Variants in MITF observed in about 807,000 individuals in gnomAD.
MITF encodes the protein microphthalmia-associated transcription factor.
A neutral mutation model predicts 60.5 loss-of-function variants in MITF; 17 were observed. The ratio of observed to expected loss-of-function variants is 0.28; its 90% CI spans 0.19 to 0.42. The LOEUF (loss-of-function observed/expected upper bound fraction) is 0.42, where lower values mean the gene tolerates loss of function less well. MITF is among the 10% of genes least tolerant of loss of function. MITF has a pLI of 1.00. For missense variants in MITF, 622 were observed against 683.5 expected (o/e 0.91, Z 1.00); for synonymous variants, 260 against 248.5 (o/e 1.05, Z -0.43).
At chr3:69,872,933 A>G (rs1177182790) in intron 1 of MITF, among the ~76,000 whole-genome samples, 5 of 152,186 alleles carry the variant, frequency 3.3e-5, no homozygotes, top group Non-Finnish European at 7.3e-5. Context: ...GATATCCTGC[A>G]TGTCTAGCAG....
chr3:69,957,119 C>T (rs763212922), intron 8 of MITF, among the ~76,000 whole-genome samples: 1 of 152,168 alleles, frequency 6.6e-6, no homozygotes, highest in Non-Finnish European at 1.5e-5. Flanking sequence ...TCTTTACCCA[C>T]CCTGTCCCCT....
intron 1 of MITF, among the ~76,000 whole-genome samples, chr3:69,816,435 G>A (rs780281211): frequency 7.2e-5 from 11 of 152,114 alleles, no homozygotes; most frequent in Admixed American, 2.0e-4. Context: ...AACCACAGTC[G>A]TGAACTGTTG....
intron 1 of MITF, among the ~76,000 whole-genome samples, chr3:69,844,954 C>T (rs2063704698): frequency 6.6e-6 from 1 of 152,064 alleles, no homozygotes; most frequent in Admixed American, 6.5e-5. Context: ...ATAGAACAGG[C>T]ACTCTTCAGT....
At position 69,827,586 on chromosome 3, in the gene MITF, G is replaced by GAAAT. The variant is rs561325598; in HGVS notation, c.105-51546_105-51543dup. Among the ~76,000 whole-genome samples, 24 of 152,266 alleles carry GAAAT rather than the reference G, an allele frequency of 1.6e-4. No individual in the cohort carries two copies. In the South Asian group the frequency reaches 5.0e-3, roughly 32 times the overall value. On this transcript the variant is annotated intron_variant, in intron 1 of 9. Coordinates refer to ENST00000352241, the MANE Select transcript of MITF (RefSeq NM_001354604.2). ...GTCAAGCCTGATATCAATGGGGAGG[G>GAAAT]AAATATAAACCTCCCAGAGAGAGCA...
chr3:69,964,047 G>A (rs2066621797), intron 9 of MITF, among the ~76,000 whole-genome samples: 1 of 139,370 alleles, frequency 7.2e-6, no homozygotes, highest in African/African-American at 2.7e-5. Context: ...CGCAATCTCG[G>A]CTCACTGCAA....
In MITF at chr3:69,739,611, C is replaced by G. The variant is rs1413689457; in HGVS notation, c.14C>G (p.Ser5Trp). 6.3e-7 allele frequency: 1 copy of G among 1,577,222 alleles called. No individual in the cohort carries two copies. Among genetic ancestry groups the G allele is most frequent in the South Asian group, 1.2e-5 (1 of 86,130 alleles). The change falls in exon 1 of 10, where the codon TCG becomes TGG. Residue 5 changes from serine to tryptophan, a missense_variant. Transcript: ENST00000352241. Reference protein sequence around the residue: MQSESGIVPDFEVGE... With the variant: MQSEWGIVPDFEVGE... Reference sequence around the variant, plus strand: ...GAAGCGGGAGCCATGCAGTCCGAATCGGGGATCGTGCCGGATTTCGAAGTC... The same window carrying G: ...GAAGCGGGAGCCATGCAGTCCGAATGGGGGATCGTGCCGGATTTCGAAGTC...
intron 2 of MITF, among the ~76,000 whole-genome samples, chr3:69,914,789 C>T (rs1168413190): frequency 6.6e-6 from 1 of 152,178 alleles, no homozygotes; most frequent in African/African-American, 2.4e-5. Context: ...CTGACTTCTT[C>T]CTTTGCAACC....
chr3:69,916,123 T>C (rs2065328523), intron 2 of MITF, among the ~76,000 whole-genome samples: 1 of 152,252 alleles, frequency 6.6e-6, no homozygotes, highest in African/African-American at 2.4e-5. Flanking sequence ...CCCAGTCTTT[T>C]TCCTATTCAT....
chr3:69,837,663 T>G (rs1351029385), intron 1 of MITF, among the ~76,000 whole-genome samples: 1 of 152,200 alleles, frequency 6.6e-6, no homozygotes, highest in Non-Finnish European at 1.5e-5. Flanking sequence ...TCTCTGAATG[T>G]CGAAGGATTT....
At chr3:69,936,246 T>C (rs920789474) in intron 2 of MITF, among the ~76,000 whole-genome samples, 4 of 152,194 alleles carry the variant, frequency 2.6e-5, no homozygotes, top group Admixed American at 2.6e-4. Flanking sequence ...AAGTCTCATG[T>C]AATAGTAGCT....
At chr3:69,917,167 G>T (rs2065354052) in intron 2 of MITF, among the ~76,000 whole-genome samples, 1 of 152,118 alleles carries the variant, frequency 6.6e-6, no homozygotes, top group African/African-American at 2.4e-5. Context: ...TCTGGAAATG[G>T]ATGTGTGTGG....
At chr3:69,939,830 A>G (rs2065929425) in intron 4 of MITF, among the ~76,000 whole-genome samples, 1 of 152,180 alleles carries the variant, frequency 6.6e-6, no homozygotes, top group Admixed American at 6.6e-5. Context: ...CATCAAGCCC[A>G]CTAATTTTAT....
intron 1 of MITF, among the ~76,000 whole-genome samples, chr3:69,766,008 A>G (rs751565121): frequency 6.6e-6 from 1 of 152,182 alleles, no homozygotes; most frequent in Non-Finnish European, 1.5e-5. Flanking sequence ...AATTTGTTGA[A>G]TTGTTTGGGC....
chr3:69,949,002 A>T, intron 5 of MITF, 49 bp from the exon 6 acceptor site: 1 of 1,331,780 alleles, frequency 7.5e-7, no homozygotes, highest in South Asian at 1.2e-5. Context: ...CTGAAAAAAC[A>T]TGGGAATTGT....
intron 2 of MITF, among the ~76,000 whole-genome samples, chr3:69,913,019 T>C (rs2065257388): frequency 6.6e-6 from 1 of 152,150 alleles, no homozygotes; most frequent in Non-Finnish European, 1.5e-5. Context: ...AAAAGAAAGA[T>C]AGATCTAGGT....
rs56689910 is a variant in MITF, at chr3:69,937,365, GGTGTGT to G, written c.355-422_355-417del. Among the ~76,000 whole-genome samples, 1,381 of 142,166 alleles carry G rather than the reference GGTGTGT, an allele frequency of 9.7e-3. 12 individuals are homozygous for G. The highest frequency in any genetic ancestry group is 0.03 in the East Asian group (142 of 4,808). 93.3% of individuals were successfully genotyped at this position (142,166 alleles called of 152,430 possible). On this transcript the variant is annotated intron_variant, in intron 2 of 9. Transcript: ENST00000352241. ...ATTTTACACAGTTGGTTCTTAAGGAGGTGTGTGTGTGTGTGTGTGTGTGTGTGTGTG... is the reference window on the plus strand; with the variant it reads ...ATTTTACACAGTTGGTTCTTAAGGAGGTGTGTGTGTGTGTGTGTGTGTGTG...
intron 1 of MITF, among the ~76,000 whole-genome samples, chr3:69,778,529 AT>A (rs2062512266): frequency 6.6e-6 from 1 of 152,086 alleles, no homozygotes; most frequent in Non-Finnish European, 1.5e-5. Flanking sequence ...CATCTCAGTG[AT>A]TTGTCTTGAC....
At chr3:69,804,367 C>CT (rs757723977) in intron 1 of MITF, among the ~76,000 whole-genome samples, 1 of 151,692 alleles carries the variant, frequency 6.6e-6, no homozygotes, top group African/African-American at 2.4e-5. Context: ...CCTTCTCCAC[C>CT]TTTTCCTCAA....
intron 1 of MITF, among the ~76,000 whole-genome samples, chr3:69,836,045 CTA>C (rs1321143617): frequency 6.6e-6 from 1 of 151,780 alleles, no homozygotes; most frequent in Non-Finnish European, 1.5e-5. Flanking sequence ...TATAATAAAG[CTA>C]TAGATTGGTT....
Sources: allele counts gnomAD v4.1 joint callset (sites outside exome capture counted in the v4.1 genomes callset), GRCh38; gene constraint gnomAD v4.1.1; transcripts MANE v1.5; gene names NCBI Gene and HGNC (gene_info 2026-07-23, HGNC 2026-07-21).